Variants in TSC2 observed in about 807,000 individuals in gnomAD.
The protein encoded by TSC2 is TSC complex subunit 2.
In TSC2, 29 loss-of-function variants were observed where a neutral mutation model predicts 202.2. That is an observed-to-expected ratio of 0.14 (90% confidence interval 0.11 to 0.20). TSC2 has a LOEUF of 0.20. Ranked by LOEUF, TSC2 falls within the 10% of genes least tolerant of loss-of-function variation. TSC2 has a pLI of 1.00. For synonymous variants in TSC2, 1,349 were observed against 1,044.0 expected, an observed-to-expected ratio of 1.29 and a Z score of -5.63; for missense variants, 2,429 against 2,420.0, an observed-to-expected ratio of 1.00 and a Z score of -0.08.
rs1336791445 is a variant in TSC2 at position 2,088,640 on chromosome 16, T to C, written c.*30T>C. 1 of 1,588,316 alleles carries C rather than the reference T, an allele frequency of 6.3e-7. No individual in the cohort carries two copies. The highest frequency in any genetic ancestry group is 8.5e-7 in the Non-Finnish European group (1 of 1,174,612). On this transcript the variant is annotated 3_prime_UTR_variant, in exon 42 of 42. Coordinates refer to ENST00000219476, the MANE Select transcript of TSC2 (RefSeq NM_000548.5). ...GGGGCCCTCCCTCCTGCACTGGCCT[T>C]GGACGGTATTGCCTGTCAGTGAAAT... is the stretch of plus-strand genomic sequence containing the variant.
Position 2,089,419 on chromosome 16 carries a change from G to A in TSC2, c.*809G>A, listed in dbSNP as rs925181097. On this transcript the variant is annotated 3_prime_UTR_variant, in exon 42 of 42. Coordinates refer to ENST00000219476, the MANE Select transcript of TSC2 (RefSeq NM_000548.5). ...CTTAGCAGTGGGGGACATCTGCCCA[G>A]GGGGTGGGGCCGGGCACAGCCCGCT... The A allele has an allele frequency of 2.1e-6, 1 of 469,290 alleles. No individual in the cohort carries two copies. The highest frequency in any genetic ancestry group is 2.0e-5 in the African/African-American group (1 of 51,076). 29.1% of individuals were successfully genotyped at this position (469,290 alleles called of 1,614,324 possible).
At chr16:2,052,683 C>T (rs2085279641) in intron 3 of TSC2, among the ~76,000 whole-genome samples, 1 of 152,142 alleles carries the variant, frequency 6.6e-6, no homozygotes, top group Admixed American at 6.5e-5. Context: ...AAAGCCGTGG[C>T]TGTTGGTTAA....
In TSC2 at chr16:2,075,838, C is replaced by T. The variant is rs45517249; in HGVS notation, c.2585C>T (p.Ala862Val). 2.0e-5 allele frequency: 32 copies of T among 1,612,970 alleles called. No homozygotes were observed. The highest frequency in any genetic ancestry group is 1.3e-4 in the East Asian group (6 of 44,898). Residue 862 changes from alanine to valine, a missense_variant, in exon 23 of 42, where the codon GCG (alanine) becomes GTG (valine). Ala to Val is a moderately conservative substitution (Grantham distance 64). Coordinates refer to ENST00000219476, the MANE Select transcript of TSC2 (RefSeq NM_000548.5). ...RLPHLYRNFA[A>V]EQYASVFAIS... ...CCGCACCTCTACAGGAACTTTGCCG[C>T]GGAGCAGTATGCCAGTGTGTTCGCC... is the stretch of plus-strand genomic sequence containing the variant.
In TSC2 at chr16:2,082,416, C is replaced by T. The variant is rs201878712; in HGVS notation, c.3815-20C>T. The T allele has an allele frequency of 2.5e-4, 409 of 1,612,362 alleles. 1 individual carries two copies. Among genetic ancestry groups the T allele is most frequent in the Middle Eastern group, 1.3e-3 (8 of 6,062 alleles). On this transcript the variant is annotated intron_variant, in intron 31 of 41. Transcript: ENST00000219476. The stretch of plus-strand genomic sequence containing the variant: ...GCCCCTCCTCCTGCTGACGTGGCCG[C>T]ACACGGCCTTCCCTTGCAGTGGCCT...
chr16:2,079,369 C>T lies in TSC2; in HGVS notation c.3225C>T (p.Thr1075=), dbSNP rs374145104. ...TCACTGTGACGACAAGCGTGGGAAC[C>T]GGGACCCGGTCGTTACTAGGCCTGG... ...KLVTVTTSVG[T]GTRSLLGLDS... Residue 1075 remains threonine, a synonymous_variant, in exon 28 of 42, where the codon ACC becomes ACT. Transcript: ENST00000219476. This position sits in a 1 kb window ranked among gnomAD's most constrained non-coding sequence, Gnocchi z 4.6. 7.7e-5 allele frequency: 124 copies of T among 1,612,778 alleles called. No homozygotes were observed. The highest frequency in any genetic ancestry group is 9.3e-5 in the Non-Finnish European group (110 of 1,180,026).
chr16:2,069,025 G>T (rs1026023976), intron 16 of TSC2, among the ~76,000 whole-genome samples: 6 of 152,164 alleles, frequency 3.9e-5, no homozygotes, highest in African/African-American at 1.4e-4. Context: ...TTGCTCTCTC[G>T]GGTGGGAGAG....
At position 2,061,955 on chromosome 16, in the gene TSC2, G is replaced by C; in HGVS notation, c.1204G>C (p.Gly402Arg). ...GCTGTGTGACCAGAACGAGTTCCAC[G>C]GGTCTCAGGAGAGATACTTTGAACT... ...EELCDQNEFH[G>R]SQERYFELVE... The change falls in exon 12 of 42, where the codon GGG becomes CGG. Residue 402 changes from glycine to arginine, a missense_variant. Coordinates refer to ENST00000219476, the MANE Select transcript of TSC2 (RefSeq NM_000548.5). The C allele has an allele frequency of 6.2e-7, 1 of 1,614,164 alleles. No individual in the cohort carries two copies. Among genetic ancestry groups the C allele is most frequent in the Non-Finnish European group, 8.5e-7 (1 of 1,180,020 alleles).
intron 26 of TSC2, chr16:2,078,817 A>C: frequency 1.6e-6 from 1 of 626,664 alleles, no homozygotes; most frequent in Non-Finnish European, 2.8e-6. Context: ...TCCGACCAGT[A>C]GGCCTGGTCT....
At position 2,076,528 on chromosome 16, in the gene TSC2, C is replaced by A. The variant is rs144329595; in HGVS notation, c.2780C>A (p.Thr927Asn). 3.7e-6 allele frequency: 6 copies of A among 1,613,410 alleles called. No individual in the cohort carries two copies. Among genetic ancestry groups the A allele is most frequent in the Non-Finnish European group, 4.2e-6 (5 of 1,180,002 alleles). The change falls in exon 25 of 42, where the codon ACC (threonine) becomes AAC (asparagine). Residue 927 changes from threonine to asparagine, a missense_variant. Transcript: ENST00000219476. ...RSNVLLSFDD[T>N]PEKDSFRARS... ...AATGTCCTCTTGTCTTTTGATGACACCCCCGAGAAGGACAGCTTCAGGGCC... is the reference window on the plus strand; with the variant it reads ...AATGTCCTCTTGTCTTTTGATGACAACCCCGAGAAGGACAGCTTCAGGGCC...
intron 37 of TSC2, 50 bp downstream of exon 37, chr16:2,086,429 G>A (rs2151578613): frequency 1.3e-6 from 2 of 1,591,632 alleles, no homozygotes; most frequent in Non-Finnish European, 1.7e-6. Flanking sequence ...TCAGGGCACG[G>A]CTCCCATCCA....
chr16:2,049,093 A>AT (rs201797810), intron 2 of TSC2, among the ~76,000 whole-genome samples: 8,067 of 149,578 alleles, frequency 0.054, 740 homozygotes, highest in African/African-American at 0.18. Context: ...TCTTTATTTT[A>AT]TTTTTTTTTT....
rs137854219 is a variant in TSC2 at position 2,088,285 on chromosome 16, G to C, written c.5219G>C (p.Trp1740Ser). The change falls in exon 41 of 42, where the codon TGG becomes TCG. Residue 1740 changes from tryptophan to serine, a missense_variant. By Grantham distance (177) the Trp-to-Ser change is radical (BLOSUM62 -3). Transcript: ENST00000219476. ...CCCACCGATATCTACCCCTCCAAGT[G>C]GATTGCCCGGCTCCGCCACATCAAG... Reference protein sequence around the residue: ...SNPTDIYPSKWIARLRHIKRL... With the variant: ...SNPTDIYPSKSIARLRHIKRL... 6.2e-7 allele frequency: 1 copy of C among 1,612,970 alleles called. No individual in the cohort carries two copies. The highest frequency in any genetic ancestry group is 8.5e-7 in the Non-Finnish European group (1 of 1,180,012).
Position 2,048,413 on chromosome 16 carries a change from C to T in TSC2, c.-29-174C>T, listed in dbSNP as rs1404788791. ...CAGGCCTGGTGTCTCCCGGGCTTTC[C>T]TAGGTGCCTGTTTGCGAGCTGGTCA... On this transcript the variant is annotated intron_variant, in intron 1 of 41. Transcript: ENST00000219476. 3.3e-6 allele frequency: 3 copies of T among 913,026 alleles called. No individual in the cohort carries two copies. The East Asian group carries it at 7.9e-5, about 24-fold the overall frequency. The allele number at this position is 913,026 out of a possible 1,614,324, so 56.6% of individuals were successfully genotyped here.
In TSC2 at chr16:2,087,860, C is replaced by T. The variant is rs777928103; in HGVS notation, c.4990-3C>T. The T allele has an allele frequency of 1.1e-5, 17 of 1,612,536 alleles. No individual in the cohort carries two copies. In the East Asian group the frequency reaches 1.8e-4, roughly 17 times the overall value. Reference sequence around the variant, plus strand: ...GGGATGACCCTTTCTCTTGTCCGGGCAGGGCCAGTTCAACTTTGTCCACGT... The same window carrying T: ...GGGATGACCCTTTCTCTTGTCCGGGTAGGGCCAGTTCAACTTTGTCCACGT... On this transcript the variant is annotated splice_polypyrimidine_tract_variant and splice_region_variant and intron_variant, in intron 38 of 41. Transcript: ENST00000219476.
At chr16:2,069,413 T>C (rs2087878279) in intron 16 of TSC2, among the ~76,000 whole-genome samples, 1 of 152,026 alleles carries the variant, frequency 6.6e-6, no homozygotes, top group African/African-American at 2.4e-5. Flanking sequence ...GCCTCCTGGG[T>C]TCAAGCGATT....
rs868864201 is a variant in TSC2, at chr16:2,054,988, A to G, written c.482-414A>G. 42 of 343,260 alleles carry G rather than the reference A, an allele frequency of 1.2e-4. No individual in the cohort carries two copies. In the Middle Eastern group the frequency reaches 3.0e-3, roughly 24 times the overall value. The allele number at this position is 343,260 out of a possible 1,614,324, so 21.3% of individuals were successfully genotyped here. A position where few individuals can be genotyped will look rare whatever the true frequency, so the allele number is the denominator to read the frequency against. On this transcript the variant is annotated intron_variant, in intron 5 of 41. Transcript: ENST00000219476. ...CAGGACAGGTGCCGGCCAGGTGCCT[A>G]CCGTCAGGTTTCCTGTCTGAGGTGA...
chr16:2,057,832 G>A (rs1333159000), intron 9 of TSC2, among the ~76,000 whole-genome samples: 16 of 87,164 alleles, frequency 1.8e-4, no homozygotes, highest in Non-Finnish European at 2.7e-4. Flanking sequence ...GCCCTGCCTC[G>A]GCCCCTGCAT....
At chr16:2,065,825 C>T (rs931782186) in intron 16 of TSC2, among the ~76,000 whole-genome samples, 190 bp downstream of exon 16, 2 of 152,122 alleles carry the variant, frequency 1.3e-5, no homozygotes, top group African/African-American at 2.4e-5. Flanking sequence ...TGCAAGAGGC[C>T]CCGTTGTACG....
chr16:2,078,183 G>C, intron 26 of TSC2: 1 of 238,656 alleles, frequency 4.2e-6, no homozygotes, highest in Non-Finnish European at 8.3e-6. Flanking sequence ...GCCTGGGTGG[G>C]GGCTAGGATC....
Sources: gnomAD v4.1 joint callset for allele counts (sites outside exome capture counted in the v4.1 genomes callset) on GRCh38, gnomAD v4.1.1 for gene constraint, Gnocchi (gnomAD v3.1) non-coding constraint, MANE v1.5 for transcripts, NCBI Gene and HGNC (gene_info 2026-07-23, HGNC 2026-07-21) for gene names.